Variants in GRID2IP observed in about 807,000 individuals in gnomAD.
GRID2IP encodes delphilin.
Under a neutral mutation model 114.3 loss-of-function variants are expected in GRID2IP, and 78 were observed. The observed-to-expected ratio is 0.68, with a 90% CI of 0.57 to 0.82. The LOEUF is 0.82. GRID2IP is among the 40% of genes least tolerant of loss of function. The pLI, the probability that GRID2IP is intolerant of heterozygous loss-of-function variation, is 0.00. For missense variants in GRID2IP, 1,727 were observed against 1,678.5 expected (o/e 1.03, Z -0.51); for synonymous variants, 809 against 724.0 (o/e 1.12, Z -1.89).
Position 6,537,614 on chromosome 7 carries a change from A to T in GRID2IP, c.584+2104T>A, listed in dbSNP as rs149829157. ...AGGCTAGTCTCGAACTCCTGATCTC[A>T]TGATCTGCCCGCCTCGGCCTCCCAA... is the stretch of plus-strand genomic sequence containing the variant. On this transcript the variant is annotated intron_variant, in intron 2 of 21. Coordinates refer to ENST00000457091, the MANE Select transcript of GRID2IP (RefSeq NM_001145118.2). Among the ~76,000 whole-genome samples, 483 of 150,644 alleles carry T rather than the reference A, an allele frequency of 3.2e-3. 2 individuals carry two copies. The highest frequency in any genetic ancestry group is 5.9e-3 in the Non-Finnish European group (400 of 67,744).
At position 6,532,002 on chromosome 7, in the gene GRID2IP, C is replaced by G. The variant is rs1037095024; in HGVS notation, c.585-5233G>C. Among the ~76,000 whole-genome samples, 6 of 152,146 alleles carry G rather than the reference C, an allele frequency of 3.9e-5. No homozygotes were observed. Among genetic ancestry groups the G allele is most frequent in the African/African-American group, 1.4e-4 (6 of 41,422 alleles). On this transcript the variant is annotated intron_variant, in intron 2 of 21. Coordinates refer to ENST00000457091, the MANE Select transcript of GRID2IP (RefSeq NM_001145118.2). The surrounding 1 kb of genome is among the most constrained non-coding windows in gnomAD (Gnocchi z 4.4). Reference sequence around the variant, plus strand: ...GGAGCGAGTAGAGGGCCTCCCAGAGCTGCGCCTCTTGCTCTGCCAGGAGAG... The same window carrying G: ...GGAGCGAGTAGAGGGCCTCCCAGAGGTGCGCCTCTTGCTCTGCCAGGAGAG...
intron 1 of GRID2IP, among the ~76,000 whole-genome samples, chr7:6,550,391 T>C (rs1259300455): frequency 6.6e-6 from 1 of 152,122 alleles, no homozygotes; most frequent in Non-Finnish European, 1.5e-5. Flanking sequence ...TATCCTATTA[T>C]TTTATATATT....
intron 2 of GRID2IP, among the ~76,000 whole-genome samples, chr7:6,538,424 G>A (rs1288654840): frequency 7.3e-5 from 11 of 150,334 alleles, no homozygotes; most frequent in African/African-American, 2.5e-4. Flanking sequence ...TAATCAGGCC[G>A]GGTACAGTGG....
In GRID2IP at chr7:6,504,865, C is replaced by G. The variant is rs769283967; in HGVS notation, c.2638G>C (p.Val880Leu). ...HFGTQKPAKPVPGPEPFRKKE... is the reference protein window; with the variant it reads ...HFGTQKPAKPLPGPEPFRKKE... ...TTCCGGAAGGGCTCCGGCCCCGGCA[C>G]CGGTTCTGGAAAAGAAACTGACAGT... is the stretch of plus-strand genomic sequence containing the variant. The change falls in exon 15 of 22, where the codon GTG becomes CTG. Residue 880 changes from valine to leucine, a missense_variant. Transcript: ENST00000457091. 83 of 1,551,140 alleles carry G rather than the reference C, an allele frequency of 5.4e-5. No individual in the cohort carries two copies. The South Asian group carries it at 9.5e-4, about 18-fold the overall frequency.
intron 1 of GRID2IP, among the ~76,000 whole-genome samples, chr7:6,544,960 G>A (rs920482359): frequency 2.0e-5 from 3 of 152,072 alleles, no homozygotes. Flanking sequence ...GATGGCGGGC[G>A]CCTGTAGTCC....
intron 4 of GRID2IP, among the ~76,000 whole-genome samples, chr7:6,525,500 G>A (rs536895727): frequency 1.4e-3 from 216 of 152,082 alleles, no homozygotes; most frequent in African/African-American, 4.7e-3. Flanking sequence ...GCGTGCGCCT[G>A]TGGTCCCAGC....
At chr7:6,547,290 C>T (rs1583356317) in intron 1 of GRID2IP, among the ~76,000 whole-genome samples, 1 of 152,278 alleles carries the variant, frequency 6.6e-6, no homozygotes, top group African/African-American at 2.4e-5. Flanking sequence ...CCTATAATCC[C>T]AGCACTTTGG....
chr7:6,497,699 C>A lies in GRID2IP; in HGVS notation c.*75G>T. Reference sequence around the variant, plus strand: ...GAGCCCGGGGCACAGTGGCCCCGGACCTCGGCAGTGTCTGGGCTGCCCTCT... The same window carrying A: ...GAGCCCGGGGCACAGTGGCCCCGGAACTCGGCAGTGTCTGGGCTGCCCTCT... On this transcript the variant is annotated 3_prime_UTR_variant, in exon 22 of 22. Transcript: ENST00000457091. 5 of 1,143,648 alleles carry A rather than the reference C, an allele frequency of 4.4e-6. No homozygotes were observed. The highest frequency in any genetic ancestry group is 2.5e-6 in the Non-Finnish European group (2 of 801,940). 70.8% of individuals were successfully genotyped at this position (1,143,648 alleles called of 1,614,324 possible).
intron 8 of GRID2IP, among the ~76,000 whole-genome samples, chr7:6,513,833 T>C (rs1220253636): frequency 6.7e-6 from 1 of 149,914 alleles, no homozygotes; most frequent in East Asian, 2.0e-4. Context: ...CTGTAATCCC[T>C]GTGCTTTGGG....
chr7:6,505,778 G>C (rs774035581), intron 14 of GRID2IP, 42 bp downstream of exon 14: 11 of 1,284,992 alleles, frequency 8.6e-6, no homozygotes, highest in African/African-American at 1.5e-5. Context: ...GCCACAGATG[G>C]TGTGGTATCT....
rs1175019282 is a variant in GRID2IP at position 6,526,735 on chromosome 7, C to G, written c.619G>C (p.Asp207His). 6 of 1,525,162 alleles carry G rather than the reference C, an allele frequency of 3.9e-6. No individual in the cohort carries two copies. The highest frequency in any genetic ancestry group is 4.4e-6 in the Non-Finnish European group (5 of 1,136,396). 94.5% of individuals were successfully genotyped at this position (1,525,162 alleles called of 1,614,324 possible). The change falls in exon 3 of 22, where the codon GAC becomes CAC. Residue 207 changes from aspartate to histidine, a missense_variant. Asp to His is a moderately conservative substitution (Grantham distance 81). Transcript: ENST00000457091. This position sits in a 1 kb window ranked among gnomAD's most constrained non-coding sequence, Gnocchi z 7.6. ...FIPKKHRARF[D>H]EVVSQGLLGK... Reference sequence around the variant, plus strand: ...AGGAGGCCCTGAGACACCACCTCGTCGAAGCGCGCCCGGTGCTTCTTGGGG... The same window carrying G: ...AGGAGGCCCTGAGACACCACCTCGTGGAAGCGCGCCCGGTGCTTCTTGGGG...
Position 6,519,969 on chromosome 7 carries a change from G to A in GRID2IP, c.1268+609C>T, listed in dbSNP as rs1779381641. ...GCCCACAGGTGGGGCTCTGGTGAAG[G>A]TCCCATCAAGAATGCTGCAGGTGGG... is the stretch of plus-strand genomic sequence containing the variant. On this transcript the variant is annotated intron_variant, in intron 7 of 21. Coordinates refer to ENST00000457091, the MANE Select transcript of GRID2IP (RefSeq NM_001145118.2). This position sits in a 1 kb window ranked among gnomAD's most constrained non-coding sequence, Gnocchi z 4.1. Among the ~76,000 whole-genome samples, 3 of 151,656 alleles carry A rather than the reference G, an allele frequency of 2.0e-5. No individual in the cohort carries two copies. Among genetic ancestry groups the A allele is most frequent in the African/African-American group, 7.3e-5 (3 of 41,306 alleles).
In GRID2IP at chr7:6,503,032, AC is replaced by A. The variant is rs1348592965; in HGVS notation, c.3038del (p.Ser1013IlefsTer36). 6.4e-7 allele frequency: 1 copy of A among 1,551,332 alleles called. No homozygotes were observed. Among genetic ancestry groups the A allele is most frequent in the Non-Finnish European group, 8.7e-7 (1 of 1,146,964 alleles). ...CCTCCAGGATCTTGGCGAGCTTCCG[AC>A]TGTTTTTGAGCTCCAGGGAGGCCTG... Reference protein sequence around the residue: ...LRQASLELKNSRKLAKILEFV... With the variant: ...LRQASLELKNXRKLAKILEFV... On this transcript the variant is annotated frameshift_variant, in exon 17 of 22. Coordinates refer to ENST00000457091, the MANE Select transcript of GRID2IP (RefSeq NM_001145118.2). LOFTEE classifies it high-confidence loss of function.
intron 7 of GRID2IP, among the ~76,000 whole-genome samples, chr7:6,518,634 G>T (rs1009156813): frequency 6.6e-6 from 1 of 152,026 alleles, no homozygotes; most frequent in South Asian, 2.1e-4. Flanking sequence ...TACTCGGGAG[G>T]CTGAGGCAGG....
intron 15 of GRID2IP, among the ~76,000 whole-genome samples, chr7:6,504,251 C>T (rs1289177851): frequency 8.5e-6 from 1 of 117,560 alleles, no homozygotes. Flanking sequence ...GGAAACTGAG[C>T]GGGGCTGCTG....
chr7:6,498,320 TCCCGGTTGG>T lies in GRID2IP; in HGVS notation c.3400-101_3400-93del, dbSNP rs1040661672. 1.2e-5 allele frequency: 15 copies of T among 1,294,926 alleles called. No homozygotes were observed. The Middle Eastern group carries it at 1.1e-3, about 93-fold the overall frequency. The allele number at this position is 1,294,926 out of a possible 1,614,324, so 80.2% of individuals were successfully genotyped here. A position where few individuals can be genotyped will look rare whatever the true frequency, so the allele number is the denominator to read the frequency against. On this transcript the variant is annotated intron_variant, in intron 20 of 21. Transcript: ENST00000457091. ...ACAGACAGGTCCCTAGCAGCCCTAT[TCCCGGTTGG>T]CCTGAGTCCTTCCAAGGGCCAGGCC... is the stretch of plus-strand genomic sequence containing the variant.
intron 4 of GRID2IP, among the ~76,000 whole-genome samples, chr7:6,525,079 T>C (rs1357579322): frequency 6.6e-6 from 1 of 151,782 alleles, no homozygotes; most frequent in Admixed American, 6.6e-5. Context: ...CCAAGACGGG[T>C]GGATCACCCG....
At chr7:6,514,852 T>C (rs146291817) in intron 7 of GRID2IP, among the ~76,000 whole-genome samples, 4,641 of 150,664 alleles carry the variant, frequency 0.031, 97 homozygotes, top group Admixed American at 0.057. Flanking sequence ...CTCGGGAGGC[T>C]GAGGCAGGAG....
chr7:6,520,511 A>G lies in GRID2IP; in HGVS notation c.1268+67T>C. The G allele has an allele frequency of 6.9e-7, 1 of 1,448,700 alleles. No individual in the cohort carries two copies. Among genetic ancestry groups the G allele is most frequent in the East Asian group, 2.5e-5 (1 of 39,920 alleles). The allele number at this position is 1,448,700 out of a possible 1,614,324, so 89.7% of individuals were successfully genotyped here. ...AGGAGGTTCAGGCAGGGAGACTGGG[A>G]TGTGAGTCTAGGCAGGACTTAGGGC... On this transcript the variant is annotated intron_variant, in intron 7 of 21. Transcript: ENST00000457091. This position sits in a 1 kb window ranked among gnomAD's most constrained non-coding sequence, Gnocchi z 4.6.
Sources: gnomAD v4.1 joint callset for allele counts (sites outside exome capture counted in the v4.1 genomes callset) on GRCh38, gnomAD v4.1.1 for gene constraint, Gnocchi (gnomAD v3.1) non-coding constraint, MANE v1.5 for transcripts, NCBI Gene and HGNC (gene_info 2026-07-23, HGNC 2026-07-21) for gene names.